The following LNX1 variants were observed in gnomAD, a reference collection of about 807,000 sequenced individuals.
LNX1 encodes ligand of numb-protein X 1.
LNX1 carries 54 observed loss-of-function variants against 68.4 expected under a neutral mutation model. The ratio of observed to expected loss-of-function variants is 0.79; its 90% CI spans 0.63 to 0.99. LNX1 has a LOEUF of 0.99. Ranked by LOEUF, LNX1 falls within the 50% of genes least tolerant of loss-of-function variation. LNX1 has a pLI of 0.00. For missense variants in LNX1, 906 were observed against 926.4 expected (o/e 0.98, Z 0.29); for synonymous variants, 336 against 350.0 (o/e 0.96, Z 0.45).
intron 2 of LNX1, among the ~76,000 whole-genome samples, chr4:53,525,032 G>C (rs1042711721): frequency 6.6e-6 from 1 of 152,130 alleles, no homozygotes; most frequent in African/African-American, 2.4e-5. Flanking sequence ...AGAAAGCTCT[G>C]TGTATTGGAC....
intron 2 of LNX1, among the ~76,000 whole-genome samples, chr4:53,540,793 C>A (rs1341372287): frequency 6.6e-6 from 1 of 152,150 alleles, no homozygotes; most frequent in Non-Finnish European, 1.5e-5. Flanking sequence ...TTATTGGGGT[C>A]AAACATTTGT....
At chr4:53,537,112 G>A (rs1264636148) in intron 2 of LNX1, among the ~76,000 whole-genome samples, 2 of 152,274 alleles carry the variant, frequency 1.3e-5, no homozygotes, top group Non-Finnish European at 2.9e-5. Context: ...AGTGGGGACG[G>A]TATGAGTACT....
chr4:53,604,444 G>C (rs530422435), intron 2 of LNX1, among the ~76,000 whole-genome samples: 1 of 152,322 alleles, frequency 6.6e-6, no homozygotes, highest in South Asian at 2.1e-4. Flanking sequence ...TGGATAAAAA[G>C]CAGAACTGGC....
intron 9 of LNX1, among the ~76,000 whole-genome samples, chr4:53,473,658 G>A (rs1353700376): frequency 6.6e-6 from 1 of 152,152 alleles, no homozygotes; most frequent in Non-Finnish European, 1.5e-5. Flanking sequence ...ACTTGAGGGT[G>A]GAGGATGGAA....
intron 5 of LNX1, among the ~76,000 whole-genome samples, chr4:53,497,460 G>C (rs1047672995): frequency 6.6e-6 from 1 of 152,216 alleles, no homozygotes; most frequent in African/African-American, 2.4e-5. Flanking sequence ...AGCTCCAGAG[G>C]CTCCCTCATG....
chr4:53,603,220 G>A (rs1304808243), intron 2 of LNX1, among the ~76,000 whole-genome samples: 1 of 152,138 alleles, frequency 6.6e-6, no homozygotes, highest in East Asian at 1.9e-4. Context: ...GTGGTTGCAG[G>A]GCTTCCTTGG....
intron 1 of LNX1, among the ~76,000 whole-genome samples, chr4:53,639,139 T>A (rs1376084563): frequency 2.6e-5 from 4 of 152,150 alleles, no homozygotes; most frequent in Non-Finnish European, 5.9e-5. Flanking sequence ...CACCATGAAG[T>A]ACTATGCATC....
At position 53,460,922 on chromosome 4, in the gene LNX1, A is replaced by T. The variant is rs773507687; in HGVS notation, c.2172T>A (p.Pro724=). The T allele has an allele frequency of 6.2e-7, 1 of 1,608,752 alleles. No homozygotes were observed. Among genetic ancestry groups the T allele is most frequent in the South Asian group, 1.1e-5 (1 of 89,552 alleles). The stretch of plus-strand genomic sequence containing the variant: ...ATCATTGATTCTATAAAAAAGTGCC[A>T]GGCCAAGAAACAATAGTTAGAGTAA... ...GRITLTIVSW[P]GTFL The change falls in exon 11 of 11, where the codon CCT becomes CCA. Residue 724 remains proline, a synonymous_variant. Transcript: ENST00000263925.
chr4:53,475,496 T>C (rs2109401428), intron 9 of LNX1, among the ~76,000 whole-genome samples: 1 of 152,326 alleles, frequency 6.6e-6, no homozygotes, highest in African/African-American at 2.4e-5. Context: ...GTTTTGTTTT[T>C]CTTAAAAAAC....
At chr4:53,646,525 C>A (rs564740304) in intron 1 of LNX1, among the ~76,000 whole-genome samples, 1 of 152,330 alleles carries the variant, frequency 6.6e-6, no homozygotes, top group Non-Finnish European at 1.5e-5. Context: ...CAGTGCCTGG[C>A]ACAGAATTGT....
intron 2 of LNX1, among the ~76,000 whole-genome samples, chr4:53,533,233 T>A (rs541403802): frequency 1.3e-5 from 2 of 152,234 alleles, no homozygotes; most frequent in Admixed American, 1.3e-4. Context: ...CACGGAGACT[T>A]GCAAATGAAG....
intron 4 of LNX1, among the ~76,000 whole-genome samples, chr4:53,503,098 C>A (rs1725623874): frequency 6.6e-6 from 1 of 152,144 alleles, no homozygotes; most frequent in Admixed American, 6.5e-5. Context: ...AATTCTAGTT[C>A]TCTTGCTATT....
chr4:53,546,923 G>A (rs909833095), intron 2 of LNX1, among the ~76,000 whole-genome samples: 1 of 152,200 alleles, frequency 6.6e-6, no homozygotes, highest in Admixed American at 6.5e-5. Flanking sequence ...CCACTGACAA[G>A]TAGCTCAGGC....
intron 1 of LNX1, chr4:53,579,404 T>C (rs1176151556): frequency 3.5e-6 from 1 of 285,988 alleles, no homozygotes; most frequent in Non-Finnish European, 5.2e-6. Context: ...CCCAATCTAG[T>C]GCTGAAAAGC....
At chr4:53,624,501 A>G (rs905806134) in intron 1 of LNX1, among the ~76,000 whole-genome samples, 37 of 152,222 alleles carry the variant, frequency 2.4e-4, no homozygotes, top group Non-Finnish European at 4.1e-4. Context: ...CTGTGAGTCC[A>G]TTAAACCTCT....
At chr4:53,493,973 C>T (rs182036763) in intron 6 of LNX1, among the ~76,000 whole-genome samples, 5 of 152,196 alleles carry the variant, frequency 3.3e-5, no homozygotes, top group African/African-American at 1.2e-4. Flanking sequence ...CAATATTTCA[C>T]ATGATCTGTC....
intron 9 of LNX1, among the ~76,000 whole-genome samples, chr4:53,466,705 C>T (rs1419742721): frequency 5.3e-5 from 8 of 152,218 alleles, no homozygotes; most frequent in South Asian, 2.1e-4. Flanking sequence ...GCACCTGGCT[C>T]GGAGGGTCCT....
chr4:53,483,645 G>A (rs1724094337), intron 6 of LNX1, among the ~76,000 whole-genome samples: 1 of 152,218 alleles, frequency 6.6e-6, no homozygotes, highest in Admixed American at 6.5e-5. Flanking sequence ...ACCTGGTTTA[G>A]GGACAAGGGA....
chr4:53,623,412 T>C (rs1175452154), intron 1 of LNX1, among the ~76,000 whole-genome samples: 2 of 151,798 alleles, frequency 1.3e-5, no homozygotes, highest in Non-Finnish European at 2.9e-5. Flanking sequence ...TTTTGTATTT[T>C]TTGGTAGAGA....
Sources: allele counts gnomAD v4.1 joint callset (sites outside exome capture counted in the v4.1 genomes callset), GRCh38; gene constraint gnomAD v4.1.1; transcripts MANE v1.5; gene names NCBI Gene and HGNC (gene_info 2026-07-23, HGNC 2026-07-21).